The following PHTF2 variants were observed in gnomAD, a reference collection of about 807,000 sequenced individuals.
The protein encoded by PHTF2 is protein PHTF2.
A neutral mutation model predicts 101.2 loss-of-function variants in PHTF2; 60 were observed. The ratio of observed to expected loss-of-function variants is 0.59; its 90% confidence interval spans 0.48 to 0.73. The LOEUF (loss-of-function observed/expected upper bound fraction) is 0.73, where lower values mean the gene tolerates loss of function less well. Among genes scored for constraint, PHTF2 ranks in the 30% least tolerant of loss-of-function variants. The pLI, the probability that PHTF2 is intolerant of heterozygous loss-of-function variation, is 0.00. For synonymous variants in PHTF2, 311 were observed against 307.3 expected (o/e 1.01, Z -0.13); for missense variants, 747 against 908.7 (o/e 0.82, Z 2.29).
At chr7:77,878,360 G>A (rs1249266440) in intron 3 of PHTF2, among the ~76,000 whole-genome samples, 1 of 152,016 alleles carries the variant, frequency 6.6e-6, no homozygotes, top group Admixed American at 6.6e-5. Context: ...TTATGGGTCT[G>A]GGTGGCGCCA....
chr7:77,830,296 T>C (rs1271267176), intron 1 of PHTF2, among the ~76,000 whole-genome samples: 1 of 152,202 alleles, frequency 6.6e-6, no homozygotes, highest in Non-Finnish European at 1.5e-5. Context: ...TTTGCTGTGT[T>C]TTTTTCCTGT....
At chr7:77,904,649 G>A (rs1447524378) in intron 7 of PHTF2, among the ~76,000 whole-genome samples, 1 of 152,130 alleles carries the variant, frequency 6.6e-6, no homozygotes, top group African/African-American at 2.4e-5. Flanking sequence ...GAGAGAGAGA[G>A]TACTCTGGTA....
At chr7:77,870,882 G>A (rs1798460094) in intron 3 of PHTF2, among the ~76,000 whole-genome samples, 1 of 152,192 alleles carries the variant, frequency 6.6e-6, no homozygotes. Context: ...AAATGCTGAT[G>A]TGAAGTCAAT....
At chr7:77,805,335 T>C (rs982376180) in intron 1 of PHTF2, among the ~76,000 whole-genome samples, 4 of 152,186 alleles carry the variant, frequency 2.6e-5, no homozygotes, top group African/African-American at 9.6e-5. Flanking sequence ...GGTTTATTGA[T>C]CTATTTTATT....
chr7:77,824,084 T>A (rs908124937), intron 1 of PHTF2, among the ~76,000 whole-genome samples: 2 of 152,148 alleles, frequency 1.3e-5, no homozygotes, highest in African/African-American at 4.8e-5. Flanking sequence ...GACAAATACG[T>A]TATATTAATT....
intron 9 of PHTF2, among the ~76,000 whole-genome samples, chr7:77,915,520 A>G (rs1323355777): frequency 7.9e-5 from 12 of 152,240 alleles, no homozygotes; most frequent in South Asian, 4.1e-4. Flanking sequence ...TTGTTTTCTC[A>G]TTATTTTTAT....
chr7:77,833,047 A>T (rs1795189625), intron 1 of PHTF2, among the ~76,000 whole-genome samples: 1 of 152,198 alleles, frequency 6.6e-6, no homozygotes, highest in Non-Finnish European at 1.5e-5. Flanking sequence ...TCTGTCTCCA[A>T]ATATTTTACT....
chr7:77,915,133 A>G (rs1802788311), intron 9 of PHTF2, among the ~76,000 whole-genome samples: 1 of 151,358 alleles, frequency 6.6e-6, no homozygotes, highest in African/African-American at 2.4e-5. Context: ...GATGGTCTTG[A>G]TCCTTGACTT....
At chr7:77,816,256 G>A (rs998297963) in intron 1 of PHTF2, among the ~76,000 whole-genome samples, 9 of 152,092 alleles carry the variant, frequency 5.9e-5, no homozygotes, top group African/African-American at 2.2e-4. Context: ...TGTATTTTTA[G>A]TAGAGATGGG....
chr7:77,894,127 A>T (rs1800685454), intron 5 of PHTF2, 134 bp downstream of exon 4: 1 of 767,754 alleles, frequency 1.3e-6, no homozygotes, highest in South Asian at 1.5e-5. Flanking sequence ...TGGTCATTTT[A>T]AAAAAGAAGT....
At chr7:77,911,711 A>T (rs1802415747) in intron 9 of PHTF2, among the ~76,000 whole-genome samples, 1 of 152,222 alleles carries the variant, frequency 6.6e-6, no homozygotes, top group South Asian at 2.1e-4. Flanking sequence ...AGTTTTCCAG[A>T]TTTTAATAGT....
chr7:77,799,932 A>G (rs1458637350), intron 1 of PHTF2, among the ~76,000 whole-genome samples: 6 of 152,052 alleles, frequency 3.9e-5, no homozygotes, highest in Non-Finnish European at 5.9e-5. Flanking sequence ...CTTTGAGACT[A>G]CTTTTCAGGT....
At chr7:77,855,684 TAG>T (rs1257057026) in intron 3 of PHTF2, among the ~76,000 whole-genome samples, 1 of 152,158 alleles carries the variant, frequency 6.6e-6, no homozygotes, top group East Asian at 1.9e-4. Flanking sequence ...CCCCTCTGCC[TAG>T]GACTGGTCTA....
At chr7:77,939,828 G>C (rs1264776936) in intron 13 of PHTF2, among the ~76,000 whole-genome samples, 1 of 151,888 alleles carries the variant, frequency 6.6e-6, no homozygotes. Flanking sequence ...GTAAATTAGC[G>C]ATCTGATAAT....
intron 1 of PHTF2, among the ~76,000 whole-genome samples, chr7:77,814,022 C>T (rs1793647465): frequency 6.6e-6 from 1 of 152,024 alleles, no homozygotes; most frequent in Admixed American, 6.6e-5. Context: ...AGCCACATAC[C>T]CTAATTTTAA....
chr7:77,807,609 C>G (rs1225270722), intron 1 of PHTF2, among the ~76,000 whole-genome samples: 1 of 152,070 alleles, frequency 6.6e-6, no homozygotes, highest in African/African-American at 2.4e-5. Context: ...AACCCCTTAC[C>G]AGATTTCTGA....
At chr7:77,913,177 C>T (rs1584689603) in intron 9 of PHTF2, among the ~76,000 whole-genome samples, 1 of 152,048 alleles carries the variant, frequency 6.6e-6, no homozygotes, top group East Asian at 1.9e-4. Context: ...CACCTGAGGT[C>T]AGGAGTTCAA....
At chr7:77,947,754 G>T (rs1421468783) in intron 16 of PHTF2, among the ~76,000 whole-genome samples, 1 of 150,266 alleles carries the variant, frequency 6.7e-6, no homozygotes, top group Non-Finnish European at 1.5e-5. Flanking sequence ...AGCACAGAAA[G>T]ACAAGAGTAG....
At chr7:77,938,950 A>G (rs546988750) in intron 13 of PHTF2, among the ~76,000 whole-genome samples, 2 of 152,336 alleles carry the variant, frequency 1.3e-5, no homozygotes, top group African/African-American at 2.4e-5. Flanking sequence ...AATACTCCCT[A>G]TAACATATCT....
Sources: gnomAD v4.1 joint callset for allele counts (sites outside exome capture counted in the v4.1 genomes callset) on GRCh38, gnomAD v4.1.1 for gene constraint, MANE v1.5 for transcripts, NCBI Gene and HGNC (gene_info 2026-07-23, HGNC 2026-07-21) for gene names.